The following CACNA2D3 variants were observed in gnomAD, a reference collection of about 807,000 sequenced individuals.
CACNA2D3 encodes calcium voltage-gated channel auxiliary subunit alpha2delta 3, also known as voltage-dependent calcium channel subunit alpha-2/delta-3.
CACNA2D3 carries 60 observed loss-of-function variants against 160.6 expected under a neutral mutation model. That is an observed-to-expected ratio of 0.37 (90% confidence interval 0.30 to 0.46). The LOEUF is 0.46. Among genes scored for constraint, CACNA2D3 ranks in the 20% least tolerant of loss-of-function variants. The pLI is 1.00. For synonymous variants in CACNA2D3, 558 were observed against 492.9 expected, an observed-to-expected ratio of 1.13 and a Z score of -1.75; for missense variants, 1,205 against 1,365.0, an observed-to-expected ratio of 0.88 and a Z score of 1.85.
At chr3:54,328,293 G>T (rs1411354562) in intron 3 of CACNA2D3, among the ~76,000 whole-genome samples, 2 of 151,754 alleles carry the variant, frequency 1.3e-5, no homozygotes, top group Non-Finnish European at 2.9e-5. Context: ...TTGTTTTTTT[G>T]GTTTTGAGAC....
At chr3:54,833,164 A>G (rs967545938) in intron 14 of CACNA2D3, among the ~76,000 whole-genome samples, 6 of 152,204 alleles carry the variant, frequency 3.9e-5, no homozygotes, top group African/African-American at 1.4e-4. Context: ...ATTATTCATC[A>G]TTTCCTTTGA....
chr3:54,996,240 C>T (rs1702856716), intron 31 of CACNA2D3, among the ~76,000 whole-genome samples: 1 of 152,250 alleles, frequency 6.6e-6, no homozygotes, highest in African/African-American at 2.4e-5. Context: ...TCTCCTGCTT[C>T]AAATGGGTTT....
intron 31 of CACNA2D3, among the ~76,000 whole-genome samples, chr3:54,996,445 G>T (rs1702861266): frequency 6.6e-6 from 1 of 152,228 alleles, no homozygotes; most frequent in Admixed American, 6.5e-5. Context: ...GGGCACCCAT[G>T]AATTTGATCA....
At chr3:54,141,850 ACATTTTTGCATCTTGCTACT>A (rs1699942221) in intron 2 of CACNA2D3, among the ~76,000 whole-genome samples, 1 of 152,222 alleles carries the variant, frequency 6.6e-6, no homozygotes, top group African/African-American at 2.4e-5. Flanking sequence ...TATTCAACAA[ACATTTTTGCATCTTGCTACT>A]CTGTCCAGGT....
intron 5 of CACNA2D3, among the ~76,000 whole-genome samples, chr3:54,546,787 C>G (rs1049283986): frequency 1.3e-5 from 2 of 151,980 alleles, no homozygotes; most frequent in African/African-American, 2.4e-5. Flanking sequence ...AATGGAAGGC[C>G]CATTCATCTT....
rs374469206 is a variant in CACNA2D3 at position 54,763,788 on chromosome 3, T to TATATAC, written c.1247-430_1247-429insATATAC. Among the ~76,000 whole-genome samples, 3 of 38,546 alleles carry TATATAC rather than the reference T, an allele frequency of 7.8e-5. 1 individual carries two copies. Among genetic ancestry groups the TATATAC allele is most frequent in the Non-Finnish European group, 1.5e-4 (3 of 19,768 alleles). 25.3% of individuals were successfully genotyped at this position (38,546 alleles called of 152,430 possible). ...ATATATGTATATATGTACATATATA[T>TATATAC]GTATATATATGTACATATATATACA... On this transcript the variant is annotated intron_variant, in intron 12 of 37. Coordinates refer to ENST00000474759, the MANE Select transcript of CACNA2D3 (RefSeq NM_018398.3).
intron 27 of CACNA2D3, among the ~76,000 whole-genome samples, chr3:54,910,434 A>AGT (rs1435547606): frequency 1.3e-5 from 2 of 152,212 alleles, no homozygotes; most frequent in Non-Finnish European, 1.5e-5. Flanking sequence ...GAAGGTCACC[A>AGT]GTAATTTCAG....
rs1318061356 is a variant in CACNA2D3 at position 54,816,885 on chromosome 3, G to A, written c.1398+15G>A. The stretch of plus-strand genomic sequence containing the variant: ...AGGCACAAAAGGTAAATTCTCTTCT[G>A]TCACATTCCAGTCACCCCCAGAACT... On this transcript the variant is annotated intron_variant, in intron 14 of 37. Coordinates refer to ENST00000474759, the MANE Select transcript of CACNA2D3 (RefSeq NM_018398.3). 1.2e-6 allele frequency: 2 copies of A among 1,613,396 alleles called. No individual in the cohort carries two copies. Among genetic ancestry groups the A allele is most frequent in the African/African-American group, 1.3e-5 (1 of 74,834 alleles).
intron 3 of CACNA2D3, among the ~76,000 whole-genome samples, chr3:54,325,598 C>T (rs1704105329): frequency 6.6e-6 from 1 of 152,280 alleles, no homozygotes; most frequent in African/African-American, 2.4e-5. Context: ...GACTTCAGAC[C>T]TCCACAAACT....
intron 11 of CACNA2D3, among the ~76,000 whole-genome samples, chr3:54,747,983 C>T (rs183008281): frequency 6.6e-6 from 1 of 152,272 alleles, no homozygotes; most frequent in East Asian, 1.9e-4. Flanking sequence ...GTTTCCCTCC[C>T]AAGAAAATGT....
chr3:54,782,683 T>A (rs1305619111), intron 13 of CACNA2D3, among the ~76,000 whole-genome samples: 1 of 151,890 alleles, frequency 6.6e-6, no homozygotes, highest in Non-Finnish European at 1.5e-5. Context: ...AAAAGCATCA[T>A]GCCATGCTTG....
chr3:54,331,287 G>A (rs1449144166), intron 3 of CACNA2D3, among the ~76,000 whole-genome samples: 1 of 152,116 alleles, frequency 6.6e-6, no homozygotes, highest in Non-Finnish European at 1.5e-5. Flanking sequence ...CCATAGAAAA[G>A]CAATCAGCAT....
At chr3:54,943,764 T>C (rs1701538606) in intron 27 of CACNA2D3, among the ~76,000 whole-genome samples, 1 of 152,194 alleles carries the variant, frequency 6.6e-6, no homozygotes, top group Non-Finnish European at 1.5e-5. Flanking sequence ...TGTCATCCTA[T>C]TTCAGTCCGG....
chr3:54,775,663 T>C (rs1702412121), intron 13 of CACNA2D3, among the ~76,000 whole-genome samples: 1 of 152,190 alleles, frequency 6.6e-6, no homozygotes, highest in African/African-American at 2.4e-5. Flanking sequence ...TATTCAAAAA[T>C]CAAATTGAGA....
At chr3:54,150,140 AC>A (rs1700119687) in intron 2 of CACNA2D3, among the ~76,000 whole-genome samples, 1 of 151,140 alleles carries the variant, frequency 6.6e-6, no homozygotes, top group Non-Finnish European at 1.5e-5. Context: ...TAGAAGAAAA[AC>A]CCCCAAAACT....
chr3:54,249,698 C>CACACACACA (rs1559895839), intron 2 of CACNA2D3, among the ~76,000 whole-genome samples: 1 of 149,726 alleles, frequency 6.7e-6, no homozygotes, highest in Non-Finnish European at 1.5e-5. Context: ...CACACACACA[C>CACACACACA]CCCTCATCCT....
At chr3:54,742,245 C>T (rs1206574073) in intron 11 of CACNA2D3, among the ~76,000 whole-genome samples, 4 of 152,072 alleles carry the variant, frequency 2.6e-5, no homozygotes, top group Non-Finnish European at 4.4e-5. Flanking sequence ...ATGGCGAAAC[C>T]CCATTTCTAC....
At chr3:54,678,735 A>AAAAAAAAAAAAAAAAAAAAAAAAAAAT in intron 11 of CACNA2D3, among the ~76,000 whole-genome samples, 1 of 149,552 alleles carries the variant, frequency 6.7e-6, no homozygotes, top group Non-Finnish European at 1.5e-5. Flanking sequence ...AAAAAAAAAA[A>AAAAAAAAAAAAAAAAAAAAAAAAAAAT]AAAAAAAAAA....
intron 29 of CACNA2D3, among the ~76,000 whole-genome samples, chr3:54,972,730 G>A (rs999789123): frequency 3.9e-5 from 6 of 152,214 alleles, no homozygotes; most frequent in African/African-American, 7.2e-5. Flanking sequence ...CTGCCATCTT[G>A]TAGAGGTGCA....
Sources: gnomAD v4.1 joint callset for allele counts (sites outside exome capture counted in the v4.1 genomes callset) on GRCh38, gnomAD v4.1.1 for gene constraint, MANE v1.5 for transcripts, NCBI Gene and HGNC (gene_info 2026-07-23, HGNC 2026-07-21) for gene names.